Variants in TNRC18 observed in about 807,000 individuals in gnomAD.
The protein encoded by TNRC18 is trinucleotide repeat-containing gene 18 protein.
In TNRC18, 69 loss-of-function variants were observed where a neutral mutation model predicts 226.7. The observed-to-expected ratio is 0.30, with a 90% CI of 0.25 to 0.37. TNRC18 has a LOEUF of 0.37. Among genes scored for constraint, TNRC18 ranks in the 10% least tolerant of loss-of-function variants. The pLI, the probability that TNRC18 is intolerant of heterozygous loss-of-function variation, is 1.00. For synonymous variants in TNRC18, 2,449 were observed against 1,927.6 expected (o/e 1.27, Z -7.09); for missense variants, 4,754 against 4,256.6 (o/e 1.12, Z -3.25).
At position 5,371,032 on chromosome 7, in the gene TNRC18, CCATGGCTTCCGCGGCGGG is replaced by C. The variant is rs774308756; in HGVS notation, c.3544_3561del (p.Pro1182_Met1187del). 1 of 1,609,812 alleles carries C rather than the reference CCATGGCTTCCGCGGCGGG, an allele frequency of 6.2e-7. No homozygotes were observed. The highest frequency in any genetic ancestry group is 1.1e-5 in the South Asian group (1 of 91,060). On this transcript the variant is annotated inframe_deletion, in exon 11 of 30. Coordinates refer to ENST00000430969, the MANE Select transcript of TNRC18 (RefSeq NM_001080495.3). ...CAACCCCCTGCAGGGCTGGGGGTAG[CCATGGCTTCCGCGGCGGG>C]CAGTGGCAGCGGCGACTCCAGAGGC...
At chr7:5,378,128 AC>A in intron 5 of TNRC18, 104 bp from the exon 6 acceptor site, 1 of 822,618 alleles carries the variant, frequency 1.2e-6, no homozygotes, top group Non-Finnish European at 1.9e-6. Context: ...CAGAGCCCCG[AC>A]GGTCCTGCAC....
rs774317250 is a variant in TNRC18, at chr7:5,351,850, G to A, written c.5439C>T (p.Phe1813=). 2 of 1,605,770 alleles carry A rather than the reference G, an allele frequency of 1.2e-6. No individual in the cohort carries two copies. The highest frequency in any genetic ancestry group is 8.5e-7 in the Non-Finnish European group (1 of 1,176,668). Residue 1813 remains phenylalanine (F), a synonymous_variant, in exon 17 of 30, where the codon TTC becomes TTT. Transcript: ENST00000430969. ...CAAACGATTCCTCCGAAGAGTCGCT[G>A]AAGGAGGAACGCGCCTCGGCCTCTC... ...LLREAEARSS[F]SDSSEESFDQ...
At chr7:5,317,444 A>T (rs577247978) in intron 24 of TNRC18, among the ~76,000 whole-genome samples, 1 of 152,194 alleles carries the variant, frequency 6.6e-6, no homozygotes, top group African/African-American at 2.4e-5. Flanking sequence ...ACAAAAAATT[A>T]GCCGGGCATG....
intron 2 of TNRC18, among the ~76,000 whole-genome samples, chr7:5,402,510 G>A (rs984061471): frequency 6.6e-6 from 1 of 151,420 alleles, no homozygotes; most frequent in African/African-American, 2.4e-5. Flanking sequence ...ACTCCAGCCT[G>A]TGACAGAGCG....
chr7:5,325,355 G>T, intron 19 of TNRC18, 107 bp from the exon 20 acceptor site: 1 of 1,305,840 alleles, frequency 7.7e-7, no homozygotes, highest in Non-Finnish European at 1.0e-6. Flanking sequence ...CACCCCAAGT[G>T]CGCCCTCCCA....
intron 17 of TNRC18, among the ~76,000 whole-genome samples, 177 bp downstream of exon 17, chr7:5,351,642 G>A (rs984742700): frequency 2.6e-4 from 40 of 152,180 alleles, no homozygotes; most frequent in African/African-American, 8.9e-4. Flanking sequence ...AAAATCATTC[G>A]GCTGATAACA....
rs112615228 is a variant in TNRC18 at position 5,312,917 on chromosome 7, T to A, written c.7974A>T (p.Ser2658=). 5.0e-6 allele frequency: 7 copies of A among 1,404,002 alleles called. No individual in the cohort carries two copies. The South Asian group carries it at 8.4e-5, about 17-fold the overall frequency. 87.0% of individuals were successfully genotyped at this position (1,404,002 alleles called of 1,614,324 possible). A position where few individuals can be genotyped will look rare whatever the true frequency, so the allele number is the denominator to read the frequency against. ...AGGAAGAGGAGGAGGAGGAGGAGGA[T>A]GAGGACGAGGAAGAGGAGGAGGAGG... ...SSSSSSSSSS[S]SSSSSSSSSS... Residue 2658 remains serine (S), a synonymous_variant, in exon 27 of 30, where the codon TCA becomes TCT. Transcript: ENST00000430969. The surrounding 1 kb of genome is among the most constrained non-coding windows in gnomAD (Gnocchi z 6.3).
At chr7:5,345,517 G>GGGGGGGGGGGGCCCCCCCCCCCC in intron 18 of TNRC18, 45 bp downstream of exon 18, 6 of 377,744 alleles carry the variant, frequency 1.6e-5, no homozygotes, top group East Asian at 4.6e-5. Flanking sequence ...AATGGCGTCC[G>GGGGGGGGGGGGCCCCCCCCCCCC]CCCCTCCCAC....
chr7:5,367,693 G>C (rs1793747398), intron 11 of TNRC18, among the ~76,000 whole-genome samples: 1 of 151,784 alleles, frequency 6.6e-6, no homozygotes, highest in African/African-American at 2.4e-5. Flanking sequence ...CTCCCAAAAT[G>C]CTGGGATTAC....
At chr7:5,387,589 G>A in intron 5 of TNRC18, 83 bp downstream of exon 5, 3 of 1,540,976 alleles carry the variant, frequency 1.9e-6, no homozygotes, top group Non-Finnish European at 2.6e-6. Flanking sequence ...AATAGCAAAG[G>A]GAAAGGGCCC....
Position 5,377,124 on chromosome 7 carries a change from AG to A in TNRC18, c.2462-132del. On this transcript the variant is annotated intron_variant, in intron 7 of 29. Coordinates refer to ENST00000430969, the MANE Select transcript of TNRC18 (RefSeq NM_001080495.3). The surrounding 1 kb of genome is among the most constrained non-coding windows in gnomAD (Gnocchi z 5.8). ...GCCTCCAGTGGGGAAGCCAAGGGACAGGGGTGCTGGCTGGCTGCAAAGAGCA... is the reference window on the plus strand; with the variant it reads ...GCCTCCAGTGGGGAAGCCAAGGGACAGGGTGCTGGCTGGCTGCAAAGAGCA... 2 of 1,353,068 alleles carry A rather than the reference AG, an allele frequency of 1.5e-6. No individual in the cohort carries two copies. Among genetic ancestry groups the A allele is most frequent in the Non-Finnish European group, 2.0e-6 (2 of 1,001,834 alleles). 83.8% of individuals were successfully genotyped at this position (1,353,068 alleles called of 1,614,324 possible).
intron 27 of TNRC18, among the ~76,000 whole-genome samples, chr7:5,311,051 G>T (rs770874086): frequency 6.6e-6 from 1 of 152,228 alleles, no homozygotes; most frequent in Non-Finnish European, 1.5e-5. Context: ...CATTTGTGTG[G>T]GTGTAGTGTA....
intron 2 of TNRC18, among the ~76,000 whole-genome samples, chr7:5,416,306 T>A (rs1323416309): frequency 6.6e-6 from 1 of 151,200 alleles, no homozygotes; most frequent in African/African-American, 2.4e-5. Flanking sequence ...TCCCAGCTAC[T>A]CGGGAGGCTG....
intron 18 of TNRC18, 96 bp from the exon 19 acceptor site, chr7:5,333,145 C>T (rs1789731113): frequency 1.5e-6 from 2 of 1,363,902 alleles, no homozygotes; most frequent in African/African-American, 1.4e-5. Context: ...GGCGGGACCT[C>T]CCCGCCAATG....
chr7:5,380,579 G>T (rs6463450), intron 5 of TNRC18, among the ~76,000 whole-genome samples: 1 of 152,202 alleles, frequency 6.6e-6, no homozygotes, highest in Non-Finnish European at 1.5e-5. Context: ...ACGGGGAGAA[G>T]CGTGTTGACG....
intron 3 of TNRC18, 58 bp from the exon 4 acceptor site, chr7:5,390,686 T>C: frequency 6.9e-7 from 1 of 1,439,776 alleles, no homozygotes; most frequent in South Asian, 1.5e-5. Flanking sequence ...ACCAGGAGCT[T>C]CCTTCCAGCT....
At chr7:5,416,457 T>C (rs1184545829) in intron 2 of TNRC18, among the ~76,000 whole-genome samples, 4 of 152,176 alleles carry the variant, frequency 2.6e-5, no homozygotes, top group African/African-American at 7.2e-5. Flanking sequence ...ACAGTGGTGC[T>C]GGACTGTAGT....
chr7:5,316,599 G>A (rs1474157456), intron 24 of TNRC18, among the ~76,000 whole-genome samples: 1 of 151,984 alleles, frequency 6.6e-6, no homozygotes, highest in East Asian at 1.9e-4. Flanking sequence ...ATTTCTAGCT[G>A]ACTTTGGGTG....
Position 5,388,122 on chromosome 7 carries a change from G to A in TNRC18, c.1702C>T (p.Pro568Ser). 3 of 1,552,884 alleles carry A rather than the reference G, an allele frequency of 1.9e-6. No individual in the cohort carries two copies. The highest frequency in any genetic ancestry group is 2.4e-5 in the East Asian group (1 of 41,226). Reference sequence around the variant, plus strand: ...GCCGCAGAGTGCATGTCAGCGACCGGCCGGCCGCAGGTGGCCGCCGAGCGG... The same window carrying A: ...GCCGCAGAGTGCATGTCAGCGACCGACCGGCCGCAGGTGGCCGCCGAGCGG... ...LPRSAATCGR[P>S]VADMHSAAHG... The change falls in exon 5 of 30, where the codon CCG becomes TCG. Residue 568 changes from proline (P) to serine (S), a missense_variant. Pro to Ser is a moderately conservative substitution (Grantham distance 74). Transcript: ENST00000430969.
Sources: gnomAD v4.1 joint callset for allele counts (sites outside exome capture counted in the v4.1 genomes callset) on GRCh38, gnomAD v4.1.1 for gene constraint, Gnocchi (gnomAD v3.1) non-coding constraint, MANE v1.5 for transcripts, NCBI Gene and HGNC (gene_info 2026-07-23, HGNC 2026-07-21) for gene names.